USP40: variants seen among roughly 807,000 people sequenced by gnomAD.
The protein encoded by USP40 is ubiquitin carboxyl-terminal hydrolase 40.
USP40 carries 143 observed loss-of-function variants against 166.2 expected under a neutral mutation model. The observed-to-expected ratio is 0.86, with a 90% CI of 0.75 to 0.99. The LOEUF (loss-of-function observed/expected upper bound fraction) is 0.99. USP40 is among the 50% of genes least tolerant of loss of function. USP40 has a pLI of 0.00. For missense variants in USP40, 1,444 were observed against 1,479.7 expected (o/e 0.98, Z 0.40); for synonymous variants, 498 against 524.0 (o/e 0.95, Z 0.68).
chr2:233,509,080 T>A (rs1026505149), intron 21 of USP40, among the ~76,000 whole-genome samples: 8 of 152,280 alleles, frequency 5.3e-5, no homozygotes, highest in Non-Finnish European at 1.2e-4. Flanking sequence ...TTCCTGTTTG[T>A]AGAAAATGGT....
rs1308178456 is a variant in USP40 at position 233,565,418 on chromosome 2, T to C, written c.137A>G (p.Gln46Arg). 5.9e-6 allele frequency: 9 copies of C among 1,537,206 alleles called. No individual in the cohort carries two copies. The highest frequency in any genetic ancestry group is 2.7e-5 in the African/African-American group (2 of 73,058). ...GGAATTGAGGTAACAGGTTCCACCC[T>C]GATTTCTGATTCCGCTTAAATTGGT... The part of the protein sequence containing the change: ...EFTNLSGIRN[Q>R]GGTCYLNSLL... Residue 46 changes from glutamine (Q) to arginine (R), a missense_variant, in exon 2 of 32, where the codon CAG (glutamine) becomes CGG (arginine). Gln to Arg is a conservative substitution (Grantham distance 43, BLOSUM62 1). Transcript: ENST00000678225.
intron 21 of USP40, among the ~76,000 whole-genome samples, chr2:233,501,868 C>G (rs1212010650): frequency 1.3e-5 from 2 of 152,106 alleles, no homozygotes; most frequent in African/African-American, 4.8e-5. Context: ...GGGCCGAGGT[C>G]CAATCTAAGA....
Position 233,512,559 on chromosome 2 carries a change from A to G in USP40, c.2437+10T>C, listed in dbSNP as rs2066913476. On this transcript the variant is annotated intron_variant, in intron 19 of 31. Coordinates refer to ENST00000678225, the MANE Select transcript of USP40 (RefSeq NM_001365479.2). ...TAAGCCACCTTTTGAAAGTTATCAA[A>G]AAGATTTACCTGGACAAAGAAGCTT... The G allele has an allele frequency of 1.3e-6, 2 of 1,572,780 alleles. No individual in the cohort carries two copies. The highest frequency in any genetic ancestry group is 1.7e-6 in the Non-Finnish European group (2 of 1,160,824).
intron 10 of USP40, among the ~76,000 whole-genome samples, chr2:233,534,915 T>TA (rs2068830828): frequency 1.3e-5 from 2 of 152,046 alleles, no homozygotes; most frequent in South Asian, 4.1e-4. Flanking sequence ...ATCTTCCTAA[T>TA]AAAAATGATA....
intron 18 of USP40, among the ~76,000 whole-genome samples, chr2:233,515,053 G>T (rs991617206): frequency 1.3e-5 from 2 of 152,154 alleles, no homozygotes; most frequent in Non-Finnish European, 2.9e-5. Flanking sequence ...ATGACTTTGA[G>T]ATGCATTCAT....
intron 21 of USP40, among the ~76,000 whole-genome samples, chr2:233,509,095 G>A (rs987125900): frequency 6.6e-6 from 1 of 152,130 alleles, no homozygotes; most frequent in East Asian, 1.9e-4. Flanking sequence ...AATGGTATTT[G>A]GCAGCCATAA....
intron 18 of USP40, among the ~76,000 whole-genome samples, chr2:233,518,904 T>C (rs904833469): frequency 2.0e-5 from 3 of 152,166 alleles, no homozygotes; most frequent in Admixed American, 6.5e-5. Context: ...ATACTATCCA[T>C]ATAATGGAAT....
intron 14 of USP40, among the ~76,000 whole-genome samples, chr2:233,525,222 A>C (rs1260650720): frequency 1.3e-5 from 2 of 152,236 alleles, no homozygotes; most frequent in Non-Finnish European, 2.9e-5. Context: ...TTTTCAAGAA[A>C]TTTTAGTAGA....
intron 5 of USP40, among the ~76,000 whole-genome samples, 189 bp from the exon 6 acceptor site, chr2:233,554,715 T>C (rs1317025786): frequency 6.6e-6 from 1 of 152,214 alleles, no homozygotes; most frequent in East Asian, 1.9e-4. Context: ...AATTGAACTA[T>C]AATTTAGCTT....
intron 21 of USP40, among the ~76,000 whole-genome samples, chr2:233,504,724 A>G (rs2066299246): frequency 6.6e-6 from 1 of 152,020 alleles, no homozygotes; most frequent in African/African-American, 2.4e-5. Context: ...ATATTATTAG[A>G]CCTCTAGGGG....
chr2:233,488,899 C>T (rs1414534046), intron 27 of USP40, among the ~76,000 whole-genome samples: 2 of 151,474 alleles, frequency 1.3e-5, no homozygotes, highest in African/African-American at 2.4e-5. Flanking sequence ...AGAGCCAGAC[C>T]CTGTCTATTA....
intron 21 of USP40, among the ~76,000 whole-genome samples, chr2:233,500,981 C>T (rs1308304317): frequency 6.6e-6 from 1 of 151,776 alleles, no homozygotes; most frequent in African/African-American, 2.4e-5. Context: ...ATTGTTAATC[C>T]CCTAGAAGTT....
Position 233,485,537 on chromosome 2 carries a change from A to G in USP40, c.3498T>C (p.Gly1166=). 2.5e-6 allele frequency: 4 copies of G among 1,613,560 alleles called. No individual in the cohort carries two copies. Among genetic ancestry groups the G allele is most frequent in the Non-Finnish European group, 3.4e-6 (4 of 1,179,674 alleles). ...PYYLKDGDTI[G]VKNLLIDDDD... ...TTGCTGTTAAACAACTTACCTTAAC[A>G]CCAATAGTATCTCCGTCTTTCAAGT... Residue 1166 remains glycine (G), a synonymous_variant, in exon 30 of 32, where the codon GGT becomes GGC. Coordinates refer to ENST00000678225, the MANE Select transcript of USP40 (RefSeq NM_001365479.2).
chr2:233,508,054 G>A (rs2066551996), intron 21 of USP40, among the ~76,000 whole-genome samples: 1 of 152,082 alleles, frequency 6.6e-6, no homozygotes. Flanking sequence ...GCCATGGCCA[G>A]TTTTATGTGT....
intron 20 of USP40, among the ~76,000 whole-genome samples, chr2:233,510,396 T>C (rs1477930639): frequency 3.9e-5 from 5 of 129,258 alleles, no homozygotes; most frequent in East Asian, 2.1e-4. Flanking sequence ...TTCTTTCTTT[T>C]TTTTTTTTTT....
chr2:233,541,229 T>C (rs1210089584), intron 9 of USP40, among the ~76,000 whole-genome samples: 1 of 152,218 alleles, frequency 6.6e-6, no homozygotes, highest in Non-Finnish European at 1.5e-5. Flanking sequence ...CCAAAATTCA[T>C]ATGTTGAATT....
At chr2:233,481,119 G>A in intron 31 of USP40, 84 bp downstream of exon 31, 1 of 1,312,032 alleles carries the variant, frequency 7.6e-7, no homozygotes, top group Non-Finnish European at 1.1e-6. Flanking sequence ...AGAGTTTCCG[G>A]TCCCTCTCAG....
chr2:233,525,980 TGAAAG>T (rs1325154510), intron 13 of USP40, among the ~76,000 whole-genome samples: 1 of 152,168 alleles, frequency 6.6e-6, no homozygotes, highest in Non-Finnish European at 1.5e-5. Context: ...TCTAGCTGCT[TGAAAG>T]GAATGTCTCC....
rs929172286 is a variant in USP40 at position 233,536,991 on chromosome 2, C to T, written c.1171-3212G>A. On this transcript the variant is annotated intron_variant, in intron 10 of 31. Transcript: ENST00000678225. Reference sequence around the variant, plus strand: ...CCTCAGACTCTTGGGCTTAAGCAATCCTCCACCCCAGCTTCCCAAATAGCT... The same window carrying T: ...CCTCAGACTCTTGGGCTTAAGCAATTCTCCACCCCAGCTTCCCAAATAGCT... Among the ~76,000 whole-genome samples, 3 of 152,128 alleles carry T rather than the reference C, an allele frequency of 2.0e-5. No individual in the cohort carries two copies. The South Asian group carries it at 6.3e-4, about 32-fold the overall frequency.
Sources: allele counts gnomAD v4.1 joint callset (sites outside exome capture counted in the v4.1 genomes callset), GRCh38; gene constraint gnomAD v4.1.1; transcripts MANE v1.5; gene names NCBI Gene and HGNC (gene_info 2026-07-23, HGNC 2026-07-21).